GALNT13: variants seen among roughly 807,000 people sequenced by gnomAD.
GALNT13 encodes UDP-GalNAc:polypeptide N-acetylgalactosaminyltransferase 13.
In GALNT13, 28 loss-of-function variants were observed where a neutral mutation model predicts 64.2. The observed-to-expected ratio is 0.44, with a 90% CI of 0.32 to 0.60. The LOEUF (loss-of-function observed/expected upper bound fraction) is 0.60, where lower values mean the gene tolerates loss of function less well. GALNT13 is among the 20% of genes least tolerant of loss of function. The pLI is 0.05. For missense variants in GALNT13, 577 were observed against 669.8 expected (o/e 0.86, Z 1.53); for synonymous variants, 214 against 224.6 (o/e 0.95, Z 0.42).
chr2:153,779,439 T>G, the GALNT13 span, among the ~76,000 whole-genome samples: 1 of 152,302 alleles, frequency 6.6e-6, no homozygotes, highest in African/African-American at 2.4e-5. Flanking sequence ...ACTGTTGTGG[T>G]TTAATTCTTA....
the GALNT13 span, among the ~76,000 whole-genome samples, chr2:153,167,607 G>A: frequency 2.2e-4 from 34 of 152,140 alleles, no homozygotes; most frequent in Non-Finnish European, 4.4e-4. Flanking sequence ...TTTGGTGATT[G>A]CTTCACAGAT....
chr2:154,412,620 G>T (rs1699844006), intron 11 of GALNT13, among the ~76,000 whole-genome samples: 2 of 151,552 alleles, frequency 1.3e-5, no homozygotes, highest in Non-Finnish European at 1.5e-5. Flanking sequence ...ATAGTTTAGG[G>T]GTTTTTTAAG....
chr2:154,312,388 G>A (rs149328628), intron 9 of GALNT13, among the ~76,000 whole-genome samples: 1 of 152,096 alleles, frequency 6.6e-6, no homozygotes, highest in East Asian at 1.9e-4. Flanking sequence ...AATGACATTG[G>A]GATTTCTTCT....
the GALNT13 span, among the ~76,000 whole-genome samples, chr2:153,498,539 T>C: frequency 2.6e-5 from 4 of 152,198 alleles, no homozygotes; most frequent in Admixed American, 2.0e-4. Flanking sequence ...CAGGTGCTGG[T>C]ACAGGTGCCA....
chr2:153,630,807 ATTTTTTTTTT>A, the GALNT13 span, among the ~76,000 whole-genome samples: 126 of 21,978 alleles, frequency 5.7e-3, 1 homozygote, highest in South Asian at 0.02. Flanking sequence ...ATATATATAT[ATTTTTTTTTT>A]TTTTTTTATT....
the GALNT13 span, among the ~76,000 whole-genome samples, chr2:153,444,389 A>G: frequency 6.6e-6 from 1 of 152,224 alleles, no homozygotes; most frequent in Non-Finnish European, 1.5e-5. Flanking sequence ...ATATAATCTG[A>G]TAAAAATCTC....
the GALNT13 span, among the ~76,000 whole-genome samples, chr2:153,095,475 G>T: frequency 6.6e-6 from 1 of 152,230 alleles, no homozygotes; most frequent in Non-Finnish European, 1.5e-5. Context: ...GGAAGACAAT[G>T]TGGCAATTCC....
At chr2:153,792,940 G>T in the GALNT13 span, among the ~76,000 whole-genome samples, 1 of 149,180 alleles carries the variant, frequency 6.7e-6, no homozygotes, top group Non-Finnish European at 1.5e-5. Context: ...CAACTTTGGC[G>T]TTCTGAGGTA....
chr2:154,253,471 A>G (rs777180965), intron 7 of GALNT13, among the ~76,000 whole-genome samples: 18 of 152,146 alleles, frequency 1.2e-4, no homozygotes, highest in Non-Finnish European at 2.6e-4. Context: ...ACTATTTTAC[A>G]TAGTTACAAA....
the GALNT13 span, among the ~76,000 whole-genome samples, chr2:153,620,296 C>G: frequency 0.19 from 29,450 of 151,580 alleles, 3,041 homozygotes; most frequent in African/African-American, 0.25. Context: ...GCTAGTTTTT[C>G]TATTTTTAGT....
chr2:154,082,575 T>C (rs939263247), intron 3 of GALNT13, among the ~76,000 whole-genome samples: 2 of 151,750 alleles, frequency 1.3e-5, no homozygotes, highest in East Asian at 1.9e-4. Flanking sequence ...TTTCATCGAA[T>C]GAATACGTAC....
the GALNT13 span, among the ~76,000 whole-genome samples, chr2:153,594,514 T>C: frequency 2.0e-5 from 3 of 151,504 alleles, no homozygotes; most frequent in Non-Finnish European, 4.4e-5. Context: ...ACAGAAATCT[T>C]TCAATTATCC....
chr2:154,353,055 TTACAC>T (rs1696501058), intron 9 of GALNT13, among the ~76,000 whole-genome samples: 2 of 152,194 alleles, frequency 1.3e-5, no homozygotes, highest in Non-Finnish European at 2.9e-5. Context: ...AATATGAGCT[TTACAC>T]TACAATGACC....
intron 2 of GALNT13, among the ~76,000 whole-genome samples, chr2:153,915,705 AC>A (rs1200190441): frequency 4.7e-5 from 1 of 21,244 alleles, no homozygotes; most frequent in East Asian, 6.0e-3. Flanking sequence ...GTTCTTTTCC[AC>A]AGTCTTAGCT....
At chr2:153,290,410 G>C in the GALNT13 span, among the ~76,000 whole-genome samples, 1 of 152,110 alleles carries the variant, frequency 6.6e-6, no homozygotes, top group African/African-American at 2.4e-5. Flanking sequence ...TTTTTAAAAA[G>C]TGATTTACTC....
At chr2:153,391,593 C>T in the GALNT13 span, among the ~76,000 whole-genome samples, 1 of 151,996 alleles carries the variant, frequency 6.6e-6, no homozygotes, top group Non-Finnish European at 1.5e-5. Context: ...AATTAAAAAG[C>T]TCTGTGATAG....
At chr2:154,063,522 T>C (rs72868485) in intron 3 of GALNT13, among the ~76,000 whole-genome samples, 28,733 of 152,078 alleles carry the variant, frequency 0.19, 3,398 homozygotes, top group Non-Finnish European at 0.26. Context: ...CCTAGTTAAA[T>C]TGAAGTCCTG....
At chr2:153,556,639 A>G in the GALNT13 span, among the ~76,000 whole-genome samples, 2 of 152,216 alleles carry the variant, frequency 1.3e-5, no homozygotes, top group African/African-American at 4.8e-5. Context: ...AATGTCTTCA[A>G]AGCCAGCAGG....
chr2:154,080,273 T>C (rs1259083170), intron 3 of GALNT13, among the ~76,000 whole-genome samples: 2 of 151,426 alleles, frequency 1.3e-5, no homozygotes, highest in East Asian at 3.9e-4. Flanking sequence ...TCCCCCACTG[T>C]TGATCAAATA....
Sources: allele counts gnomAD v4.1 joint callset (sites outside exome capture counted in the v4.1 genomes callset), GRCh38; gene constraint gnomAD v4.1.1; transcripts MANE v1.5; gene names NCBI Gene and HGNC (gene_info 2026-07-23, HGNC 2026-07-21).